Variants in ATP1B1 observed in about 807,000 individuals in gnomAD.
ATP1B1 encodes the protein ATPase Na+/K+ transporting subunit beta 1.
In ATP1B1, 3 loss-of-function variants were observed where a neutral mutation model predicts 39.6. The ratio of observed to expected loss-of-function variants is 0.08; its 90% confidence interval spans 0.03 to 0.20. ATP1B1 has a LOEUF of 0.20. Ranked by LOEUF, ATP1B1 falls within the 10% of genes least tolerant of loss-of-function variation. ATP1B1 has a pLI of 1.00. For synonymous variants in ATP1B1, 139 were observed against 135.0 expected, an observed-to-expected ratio of 1.03 and a Z score of -0.20; for missense variants, 216 against 371.1, an observed-to-expected ratio of 0.58 and a Z score of 3.43.
At chr1:169,117,044 T>C in intron 2 of ATP1B1, among the ~76,000 whole-genome samples, 1 of 152,052 alleles carries the variant, frequency 6.6e-6, no homozygotes. Flanking sequence ...AAAGGAGAAA[T>C]AAGGGGAAAT....
intron 1 of ATP1B1, chr1:169,107,879 C>T (rs1317875121): frequency 1.3e-5 from 2 of 151,126 alleles, no homozygotes; most frequent in East Asian, 1.9e-4. Flanking sequence ...CCCCCTCCTC[C>T]TCCAACATCA....
At chr1:169,108,326 G>A (rs538249346) in intron 1 of ATP1B1, among the ~76,000 whole-genome samples, 19 of 152,226 alleles carry the variant, frequency 1.2e-4, no homozygotes, top group Middle Eastern at 3.4e-3. Context: ...AGGCATAAAG[G>A]TAGTTTCCTG....
intron 2 of ATP1B1, among the ~76,000 whole-genome samples, chr1:169,119,866 CTCT>C (rs1657937298): frequency 6.6e-6 from 1 of 152,048 alleles, no homozygotes; most frequent in Non-Finnish European, 1.5e-5. Flanking sequence ...TGCTTTCTAT[CTCT>C]TCTTAACAGT....
At chr1:169,130,771 G>C (rs1279136109) in intron 5 of ATP1B1, among the ~76,000 whole-genome samples, 2 of 82,710 alleles carry the variant, frequency 2.4e-5, no homozygotes, top group African/African-American at 1.0e-4. Flanking sequence ...GACAGAGCAA[G>C]ACTATCTCAA....
intron 2 of ATP1B1, among the ~76,000 whole-genome samples, chr1:169,116,951 A>T (rs1447738765): frequency 6.6e-6 from 1 of 152,162 alleles, no homozygotes; most frequent in Non-Finnish European, 1.5e-5. Context: ...CTGAGAAGTC[A>T]TTATGTCAGT....
chr1:169,106,898 G>A lies in ATP1B1; in HGVS notation c.69G>A (p.Glu23=), dbSNP rs147872554. ...KKFIWNSEKK[E]FLGRTGGSWF... is the part of the protein sequence containing the mutation. ...TCATCTGGAACTCAGAGAAGAAGGA[G>A]TTTCTGGGCAGGACCGGTGGCAGTT... is the stretch of plus-strand genomic sequence containing the variant. The change falls in exon 1 of 6, where the codon GAG becomes GAA. Residue 23 remains glutamate, a synonymous_variant. Transcript: ENST00000367815. 166 of 1,582,252 alleles carry A rather than the reference G, an allele frequency of 1.0e-4. No homozygotes were observed. In the African/African-American group the frequency reaches 1.8e-3, roughly 17 times the overall value.
Position 169,111,482 on chromosome 1 carries a change from C to T in ATP1B1, c.210C>T (p.Asp70=). The change falls in exon 2 of 6, where the codon GAC becomes GAT. Residue 70 remains aspartate, a synonymous_variant. Transcript: ENST00000367815. ...GTGAATTTAAGCCCACATATCAGGA[C>T]CGAGTGGCCCCGCCAGGTAAAATCC... ...TISEFKPTYQ[D]RVAPPGLTQI... is the part of the protein sequence containing the mutation. 6.2e-7 allele frequency: 1 copy of T among 1,614,042 alleles called. No individual in the cohort carries two copies. Among genetic ancestry groups the T allele is most frequent in the Admixed American group, 1.7e-5 (1 of 60,030 alleles).
chr1:169,110,562 TGA>T (rs1279033737), intron 1 of ATP1B1: 18 of 961,474 alleles, frequency 1.9e-5, no homozygotes, highest in African/African-American at 1.6e-4. Flanking sequence ...ATCTATGTGT[TGA>T]GTCTTTTTTT....
chr1:169,131,565 C>CAA lies in ATP1B1; in HGVS notation c.*12_*13dup. The CAA allele has an allele frequency of 6.2e-7, 1 of 1,601,792 alleles. No homozygotes were observed. Among genetic ancestry groups the CAA allele is most frequent in the Non-Finnish European group, 8.5e-7 (1 of 1,174,314 alleles). On this transcript the variant is annotated 3_prime_UTR_variant, in exon 6 of 6. Transcript: ENST00000367815. This position sits in a 1 kb window ranked among gnomAD's most constrained non-coding sequence, Gnocchi z 4.4. Reference sequence around the variant, plus strand: ...TGAAGTTAAGAGCTGATCACAAGCACAAATCTTTCCCACTAGCCATTTAAT... The same window carrying CAA: ...TGAAGTTAAGAGCTGATCACAAGCACAAAAATCTTTCCCACTAGCCATTTAAT...
Position 169,106,796 on chromosome 1 carries a change from T to A in ATP1B1, c.-34T>A, listed in dbSNP as rs760976745. On this transcript the variant is annotated 5_prime_UTR_variant, in exon 1 of 6. Coordinates refer to ENST00000367815, the MANE Select transcript of ATP1B1 (RefSeq NM_001677.4). ...GGGCGCGCGCCGCAGCCACCCACCC[T>A]CCGGACCGCGGCAGCTGCTGACCCG... is the stretch of plus-strand genomic sequence containing the variant. 1 of 1,550,252 alleles carries A rather than the reference T, an allele frequency of 6.5e-7. No homozygotes were observed. The highest frequency in any genetic ancestry group is 2.6e-5 in the East Asian group (1 of 38,666).
Position 169,130,071 on chromosome 1 carries a change from C to T in ATP1B1, c.629C>T (p.Pro210Leu). 1 of 1,613,838 alleles carries T rather than the reference C, an allele frequency of 6.2e-7. No individual in the cohort carries two copies. Among genetic ancestry groups the T allele is most frequent in the African/African-American group, 1.3e-5 (1 of 75,008 alleles). ...PVMKYNPNVL[P>L]VQCTGKRDED... is the part of the protein sequence containing the mutation. ...ATGAAGTATAACCCAAATGTCCTTC[C>T]CGTTCAGTGCACTGGCAAGGTAAAG... Residue 210 changes from proline to leucine, a missense_variant, in exon 5 of 6, where the codon CCC becomes CTC. Coordinates refer to ENST00000367815, the MANE Select transcript of ATP1B1 (RefSeq NM_001677.4).
intron 2 of ATP1B1, 150 bp from the exon 3 acceptor site, chr1:169,124,734 A>T: frequency 1.3e-6 from 1 of 798,386 alleles, no homozygotes; most frequent in African/African-American, 1.8e-5. Flanking sequence ...CCTAATCTAA[A>T]TGCCAGAGGA....
At chr1:169,129,215 CTATG>C (rs1658150874) in intron 4 of ATP1B1, among the ~76,000 whole-genome samples, 1 of 152,188 alleles carries the variant, frequency 6.6e-6, no homozygotes, top group Non-Finnish European at 1.5e-5. Context: ...TTTGATTAGA[CTATG>C]TATGTGTTAC....
intron 2 of ATP1B1, among the ~76,000 whole-genome samples, chr1:169,119,171 G>A (rs1657918589): frequency 6.6e-6 from 1 of 152,196 alleles, no homozygotes; most frequent in Non-Finnish European, 1.5e-5. Context: ...AAGCAAGTGG[G>A]AAGCCAGAAG....
intron 5 of ATP1B1, among the ~76,000 whole-genome samples, 174 bp downstream of exon 5, chr1:169,130,264 AAAAG>A (rs1171753305): frequency 3.3e-5 from 5 of 152,340 alleles, no homozygotes; most frequent in Admixed American, 1.3e-4. Flanking sequence ...AAAACTTTTT[AAAAG>A]AACAGAAAGA....
In ATP1B1 at chr1:169,106,720, C is replaced by A; in HGVS notation, c.-110C>A. ...GAGAGCCGCAGCGGCAGCGGCGCGT[C>A]CTGCCTGCAGAGAGCCAGGCCGGAG... On this transcript the variant is annotated 5_prime_UTR_variant, in exon 1 of 6. Transcript: ENST00000367815. The A allele has an allele frequency of 1.2e-6, 1 of 810,674 alleles. No homozygotes were observed. The highest frequency in any genetic ancestry group is 1.8e-6 in the Non-Finnish European group (1 of 556,226). 50.2% of individuals were successfully genotyped at this position (810,674 alleles called of 1,614,324 possible).
At chr1:169,113,285 C>G (rs182581280) in intron 2 of ATP1B1, among the ~76,000 whole-genome samples, 2 of 152,152 alleles carry the variant, frequency 1.3e-5, no homozygotes, top group South Asian at 4.2e-4. Flanking sequence ...AGGCTGGTCT[C>G]GAACTCCTGG....
chr1:169,124,405 T>G (rs892133075), intron 2 of ATP1B1, among the ~76,000 whole-genome samples: 1 of 152,164 alleles, frequency 6.6e-6, no homozygotes, highest in Non-Finnish European at 1.5e-5. Context: ...CAATAAGGAT[T>G]ATAAAAGAAG....
chr1:169,123,923 G>A (rs1658037151), intron 2 of ATP1B1, among the ~76,000 whole-genome samples: 1 of 152,056 alleles, frequency 6.6e-6, no homozygotes, highest in Non-Finnish European at 1.5e-5. Context: ...CACCATGCCC[G>A]GCCTCAGATA....
Sources: gnomAD v4.1 joint callset for allele counts (sites outside exome capture counted in the v4.1 genomes callset) on GRCh38, gnomAD v4.1.1 for gene constraint, Gnocchi (gnomAD v3.1) non-coding constraint, MANE v1.5 for transcripts, NCBI Gene and HGNC (gene_info 2026-07-23, HGNC 2026-07-21) for gene names.